FAM135A: variants seen among roughly 807,000 people sequenced by gnomAD.
The protein encoded by FAM135A is family with sequence similarity 135 member A, also known as protein FAM135A.
In FAM135A, 79 loss-of-function variants were observed where a neutral mutation model predicts 146.8. The ratio of observed to expected loss-of-function variants is 0.54; its 90% confidence interval spans 0.45 to 0.65. The LOEUF (loss-of-function observed/expected upper bound fraction) is 0.65. Among genes scored for constraint, FAM135A ranks in the 30% least tolerant of loss-of-function variants. The pLI is 0.00. For synonymous variants in FAM135A, 562 were observed against 603.6 expected (o/e 0.93, Z 1.01); for missense variants, 1,623 against 1,758.2 (o/e 0.92, Z 1.38).
chr6:70,525,521 T>G lies in FAM135A; in HGVS notation c.2437T>G (p.Tyr813Asp). ...TCCTCAGCTTTTGATGAAACCTGAT[T>G]ATAATGTAAAATTTTCATTAGGAAA... Reference protein sequence around the residue: ...LFPQLLMKPDYNVKFSLGNHC... With the variant: ...LFPQLLMKPDDNVKFSLGNHC... The change falls in exon 15 of 22, where the codon TAT becomes GAT. Residue 813 changes from tyrosine (Y) to aspartate (D), a missense_variant. Physicochemically the swap from Tyr to Asp is radical, Grantham distance 160 (BLOSUM62 -3). This residue lies in a region of FAM135A where 1,061 missense variants were observed against 1,113.8 expected (regional missense o/e 0.95). Coordinates refer to ENST00000418814, the MANE Select transcript of FAM135A (RefSeq NM_001162529.3). The G allele has an allele frequency of 6.2e-7, 1 of 1,612,620 alleles. No individual in the cohort carries two copies. Among genetic ancestry groups the G allele is most frequent in the Non-Finnish European group, 8.5e-7 (1 of 1,179,406 alleles).
intron 2 of FAM135A, chr6:70,418,628 T>C (rs1768065912): frequency 6.6e-6 from 1 of 152,300 alleles, no homozygotes; most frequent in Non-Finnish European, 1.5e-5. Context: ...GGCCTGGTCA[T>C]TTTAGAGCAG....
Position 70,517,009 on chromosome 6 carries a change from A to C in FAM135A, c.1030-5504A>C, listed in dbSNP as rs147009988. ...TTAAGAAGAGATACTTATTGCTTAAACTACTTGATCTGATATTCTTTGAGT... is the reference window on the plus strand; with the variant it reads ...TTAAGAAGAGATACTTATTGCTTAACCTACTTGATCTGATATTCTTTGAGT... On this transcript the variant is annotated intron_variant, in intron 12 of 21. Transcript: ENST00000418814. 3.0e-3 allele frequency among the ~76,000 whole-genome samples: 457 copies of C among 152,262 alleles called. 3 individuals carry two copies. The highest frequency in any genetic ancestry group is 0.01 in the African/African-American group (436 of 41,548).
chr6:70,540,518 G>T (rs1193452531), intron 20 of FAM135A, among the ~76,000 whole-genome samples: 3 of 151,724 alleles, frequency 2.0e-5, no homozygotes, highest in African/African-American at 7.3e-5. Context: ...GTAGAGACGG[G>T]GTTTCACCAT....
intron 16 of FAM135A, among the ~76,000 whole-genome samples, chr6:70,530,503 T>C (rs1561988556): frequency 1.3e-5 from 2 of 152,220 alleles, no homozygotes; most frequent in Non-Finnish European, 2.9e-5. Flanking sequence ...GACATGCTTA[T>C]ATTGTTAGTA....
chr6:70,472,566 TGTC>T (rs1324713005), intron 5 of FAM135A, among the ~76,000 whole-genome samples: 1 of 152,216 alleles, frequency 6.6e-6, no homozygotes, highest in East Asian at 1.9e-4. Flanking sequence ...GACACGTTAC[TGTC>T]GTCTTATCCA....
At chr6:70,471,750 C>T (rs747421129) in intron 5 of FAM135A, among the ~76,000 whole-genome samples, 4 of 152,008 alleles carry the variant, frequency 2.6e-5, no homozygotes, top group Non-Finnish European at 5.9e-5. Flanking sequence ...AAAAGAAATT[C>T]AAATTACAGA....
chr6:70,439,893 C>A (rs1774072953), intron 4 of FAM135A, among the ~76,000 whole-genome samples: 1 of 152,230 alleles, frequency 6.6e-6, no homozygotes, highest in South Asian at 2.1e-4. Context: ...CTGTTGTTCC[C>A]CCCAGCTGTT....
chr6:70,452,649 A>G, intron 5 of FAM135A, 78 bp downstream of exon 5: 36 of 982,038 alleles, frequency 3.7e-5, no homozygotes, highest in Non-Finnish European at 4.8e-5. Flanking sequence ...TTCATTACAG[A>G]TATAAGATAC....
Position 70,524,864 on chromosome 6 carries a change from C to G in FAM135A, c.1780C>G (p.Gln594Glu). The change falls in exon 15 of 22, where the codon CAA becomes GAA. Residue 594 changes from glutamine to glutamate, a missense_variant. By Grantham distance (29) the Gln-to-Glu change is conservative. Transcript: ENST00000418814. The stretch of plus-strand genomic sequence containing the variant: ...AAAGTCTCCAGATATTGAAAATGTT[C>G]AACCAGACCAGTTTGATCCTTTGAA... Reference protein sequence around the residue: ...EQKSPDIENVQPDQFDPLNSG... With the variant: ...EQKSPDIENVEPDQFDPLNSG... 6.2e-7 allele frequency: 1 copy of G among 1,607,262 alleles called. No homozygotes were observed. The highest frequency in any genetic ancestry group is 1.1e-5 in the South Asian group (1 of 89,976).
chr6:70,415,634 A>C (rs1307414216), intron 2 of FAM135A, among the ~76,000 whole-genome samples: 1 of 152,146 alleles, frequency 6.6e-6, no homozygotes. Context: ...ACTTCCTTCA[A>C]ATAAAAAGCC....
chr6:70,434,737 A>G (rs1480732673), intron 4 of FAM135A, among the ~76,000 whole-genome samples: 1 of 152,204 alleles, frequency 6.6e-6, no homozygotes, highest in African/African-American at 2.4e-5. Context: ...CTATGCTTTA[A>G]TCTTTTATCA....
At chr6:70,486,157 T>A (rs756217306) in intron 10 of FAM135A, 2 of 1,613,310 alleles carry the variant, frequency 1.2e-6, no homozygotes, top group Non-Finnish European at 1.7e-6. Context: ...TGTGCAATCC[T>A]TATGACTAGC....
rs1338665199 is a variant in FAM135A, at chr6:70,533,151, A to T, written c.3776-9A>T. The T allele has an allele frequency of 3.7e-6, 6 of 1,607,274 alleles. No homozygotes were observed. The highest frequency in any genetic ancestry group is 5.1e-6 in the Non-Finnish European group (6 of 1,174,612). The stretch of plus-strand genomic sequence containing the variant: ...TCTCATCCTTTAAACATCATTTTTC[A>T]TTTTTTAGGAAACAGTGCAGATCTC... On this transcript the variant is annotated splice_polypyrimidine_tract_variant and intron_variant, in intron 16 of 21. Transcript: ENST00000418814.
intron 16 of FAM135A, 40 bp downstream of exon 16, chr6:70,528,492 AT>A: frequency 2.8e-6 from 4 of 1,423,256 alleles, no homozygotes; most frequent in Non-Finnish European, 3.7e-6. Flanking sequence ...GCAACTCAAT[AT>A]ATTTTTTTCC....
Position 70,417,148 on chromosome 6 carries a change from T to C in FAM135A, c.-134+1772T>C, listed in dbSNP as rs578157433. 1.6e-4 allele frequency among the ~76,000 whole-genome samples: 25 copies of C among 152,288 alleles called. 1 individual carries two copies. In the South Asian group the frequency reaches 5.2e-3, roughly 32 times the overall value. On this transcript the variant is annotated intron_variant, in intron 2 of 21. Coordinates refer to ENST00000418814, the MANE Select transcript of FAM135A (RefSeq NM_001162529.3). ...CTATCTCTCAACCGAGAAACCATTC[T>C]GAGAAAATTATAGCATATTTCCTTT... is the stretch of plus-strand genomic sequence containing the variant.
intron 20 of FAM135A, 99 bp from the exon 21 acceptor site, chr6:70,556,651 G>A: frequency 1.4e-6 from 1 of 728,840 alleles, no homozygotes; most frequent in South Asian, 2.6e-5. Flanking sequence ...ACTTAGTACT[G>A]CTAAGGAAAT....
intron 2 of FAM135A, among the ~76,000 whole-genome samples, chr6:70,417,093 T>C (rs1249001431): frequency 6.6e-6 from 1 of 152,168 alleles, no homozygotes; most frequent in Non-Finnish European, 1.5e-5. Context: ...CTTCAGGTAG[T>C]TCTTATTTTG....
chr6:70,524,389 G>T lies in FAM135A; in HGVS notation c.1305G>T (p.Glu435Asp). 6.6e-7 allele frequency: 1 copy of T among 1,515,238 alleles called. No individual in the cohort carries two copies. The highest frequency in any genetic ancestry group is 1.3e-5 in the South Asian group (1 of 76,708). 93.9% of individuals were successfully genotyped at this position (1,515,238 alleles called of 1,614,324 possible). Residue 435 changes from glutamate (E) to aspartate (D), a missense_variant, in exon 15 of 22, where the codon GAG (glutamate) becomes GAT (aspartate). Glu to Asp is a conservative substitution (Grantham distance 45, BLOSUM62 2). Transcript: ENST00000418814. ...WMGIQNLQRS[E>D]SSKMDKYETE... ...GAATTCAGAATCTTCAGAGATCAGAGTCCAGTAAAATGGATAAATATGAGA... is the reference window on the plus strand; with the variant it reads ...GAATTCAGAATCTTCAGAGATCAGATTCCAGTAAAATGGATAAATATGAGA...
intron 11 of FAM135A, among the ~76,000 whole-genome samples, chr6:70,493,221 A>G (rs115023781): frequency 2.8e-3 from 419 of 152,168 alleles, no homozygotes; most frequent in African/African-American, 9.3e-3. Context: ...GAATAATATG[A>G]TTTCATATAG....
Sources: allele counts gnomAD v4.1 joint callset (sites outside exome capture counted in the v4.1 genomes callset), GRCh38; gene constraint gnomAD v4.1.1; regional missense constraint gnomAD v4.1.1; transcripts MANE v1.5; gene names NCBI Gene and HGNC (gene_info 2026-07-23, HGNC 2026-07-21).